The following CFAP299 variants were observed in gnomAD, a reference collection of about 807,000 sequenced individuals.
The protein encoded by CFAP299 is cilia and flagella associated protein 299.
In CFAP299, 21 loss-of-function variants were observed where a neutral mutation model predicts 27.0. The ratio of observed to expected loss-of-function variants is 0.78; its 90% CI spans 0.55 to 1.12. The LOEUF is 1.12. Among genes scored for constraint, CFAP299 ranks in the 50% most tolerant of loss-of-function variants. The pLI, the probability that CFAP299 is intolerant of heterozygous loss-of-function variation, is 0.00. For missense variants in CFAP299, 310 were observed against 276.6 expected, an observed-to-expected ratio of 1.12 and a Z score of -0.86; for synonymous variants, 104 against 98.1, an observed-to-expected ratio of 1.06 and a Z score of -0.36.
chr4:80,525,112 C>A (rs1733106178), intron 2 of CFAP299, among the ~76,000 whole-genome samples: 1 of 152,106 alleles, frequency 6.6e-6, no homozygotes, highest in African/African-American at 2.4e-5. Flanking sequence ...TCTTTAAGGC[C>A]AGCAAAAGTA....
intron 3 of CFAP299, among the ~76,000 whole-genome samples, chr4:80,866,451 A>G (rs2110164605): frequency 6.6e-6 from 1 of 152,206 alleles, no homozygotes; most frequent in Non-Finnish European, 1.5e-5. Flanking sequence ...TACTTAAAGG[A>G]GAATCATGAA....
chr4:80,603,293 CA>C (rs1269768301), intron 3 of CFAP299, among the ~76,000 whole-genome samples: 3 of 152,028 alleles, frequency 2.0e-5, no homozygotes, highest in African/African-American at 7.2e-5. Flanking sequence ...TGAAAATGCC[CA>C]AATGTCCAGC....
At chr4:80,958,593 T>C (rs1481355473) in intron 5 of CFAP299, among the ~76,000 whole-genome samples, 1 of 152,172 alleles carries the variant, frequency 6.6e-6, no homozygotes, top group Non-Finnish European at 1.5e-5. Context: ...TGTTCTTATT[T>C]ATCTGAAAAA....
At chr4:80,416,903 C>G (rs1037130119) in intron 2 of CFAP299, among the ~76,000 whole-genome samples, 19 of 152,122 alleles carry the variant, frequency 1.2e-4, no homozygotes, top group Admixed American at 1.3e-4. Context: ...GTTCTTGGAT[C>G]TCATGCAAGA....
chr4:80,827,836 A>C (rs1333268296), intron 3 of CFAP299, among the ~76,000 whole-genome samples: 1 of 152,070 alleles, frequency 6.6e-6, no homozygotes, highest in Admixed American at 6.6e-5. Context: ...AAAACTAATA[A>C]ATAAATTCAG....
intron 3 of CFAP299, among the ~76,000 whole-genome samples, chr4:80,848,887 G>C (rs925512298): frequency 6.6e-6 from 1 of 152,182 alleles, no homozygotes; most frequent in African/African-American, 2.4e-5. Flanking sequence ...TGTTCTGGGT[G>C]AGTCAGTGAG....
chr4:80,667,010 C>A (rs963183573), intron 3 of CFAP299, among the ~76,000 whole-genome samples: 13 of 152,186 alleles, frequency 8.5e-5, no homozygotes, highest in Admixed American at 8.5e-4. Flanking sequence ...ATCTTCTATA[C>A]CTTTCAGCTT....
intron 4 of CFAP299, among the ~76,000 whole-genome samples, chr4:80,882,682 C>G (rs1733771200): frequency 6.6e-6 from 1 of 151,624 alleles, no homozygotes; most frequent in Non-Finnish European, 1.5e-5. Flanking sequence ...AAAAGTGTCT[C>G]ATTACATACA....
At chr4:80,426,314 G>A (rs747471182) in intron 2 of CFAP299, among the ~76,000 whole-genome samples, 17 of 151,982 alleles carry the variant, frequency 1.1e-4, no homozygotes, top group Admixed American at 3.3e-4. Flanking sequence ...ATGCTAATAT[G>A]ATCATTACAT....
chr4:80,822,646 A>G (rs749514111), intron 3 of CFAP299, among the ~76,000 whole-genome samples: 8 of 152,236 alleles, frequency 5.3e-5, no homozygotes, highest in Non-Finnish European at 8.8e-5. Flanking sequence ...GATAAGATCT[A>G]TGAGAGCATA....
At chr4:80,555,127 G>A (rs1734722667) in intron 2 of CFAP299, among the ~76,000 whole-genome samples, 1 of 152,114 alleles carries the variant, frequency 6.6e-6, no homozygotes, top group African/African-American at 2.4e-5. Context: ...TATGATGTTG[G>A]CTGTGGGTTT....
chr4:80,730,361 C>T (rs1180741353), intron 3 of CFAP299, among the ~76,000 whole-genome samples: 1 of 151,292 alleles, frequency 6.6e-6, no homozygotes, highest in African/African-American at 2.4e-5. Context: ...AAGCACAGAA[C>T]ACTCTTACAC....
intron 2 of CFAP299, among the ~76,000 whole-genome samples, chr4:80,457,513 C>A (rs750254833): frequency 6.6e-6 from 1 of 152,026 alleles, no homozygotes; most frequent in Non-Finnish European, 1.5e-5. Context: ...TAGAAGACAC[C>A]GGAACAAATT....
At position 80,589,111 on chromosome 4, in the gene CFAP299, A is replaced by G. The variant is rs76639229; in HGVS notation, c.333+5928A>G. The stretch of plus-strand genomic sequence containing the variant: ...TCAGATAAAACTGATGTTAATAACA[A>G]CAGTAGATACATTAGTAGCTTGTAT... On this transcript the variant is annotated intron_variant, in intron 3 of 5. Coordinates refer to ENST00000358105, the MANE Select transcript of CFAP299 (RefSeq NM_152770.3). Among the ~76,000 whole-genome samples, 1,039 of 152,336 alleles carry G rather than the reference A, an allele frequency of 6.8e-3. 13 individuals carry two copies. The highest frequency in any genetic ancestry group is 0.024 in the African/African-American group (998 of 41,578).
intron 2 of CFAP299, among the ~76,000 whole-genome samples, chr4:80,462,504 G>A (rs1729487309): frequency 6.6e-6 from 1 of 152,066 alleles, no homozygotes; most frequent in African/African-American, 2.4e-5. Context: ...CAATTTTGTT[G>A]TCACTCCCCA....
chr4:80,707,757 C>T (rs1310142783), intron 3 of CFAP299, among the ~76,000 whole-genome samples: 1 of 152,018 alleles, frequency 6.6e-6, no homozygotes, highest in African/African-American at 2.4e-5. Flanking sequence ...CCAAATGTTT[C>T]ATTCAACTTC....
Position 80,719,160 on chromosome 4 carries a change from G to A in CFAP299, c.333+135977G>A, listed in dbSNP as rs182269153. 1.3e-3 allele frequency among the ~76,000 whole-genome samples: 194 copies of A among 152,210 alleles called. 2 individuals carry two copies. Among genetic ancestry groups the A allele is most frequent in the Admixed American group, 5.0e-3 (77 of 15,276 alleles). On this transcript the variant is annotated intron_variant, in intron 3 of 5. Coordinates refer to ENST00000358105, the MANE Select transcript of CFAP299 (RefSeq NM_152770.3). ...CCACTTGAACGTGGAGGGTGGAAGG[G>A]AAAGGATCAGAAAAAATACTGTCAG...
intron 2 of CFAP299, among the ~76,000 whole-genome samples, chr4:80,391,098 C>T (rs1168748838): frequency 6.6e-6 from 1 of 151,686 alleles, no homozygotes; most frequent in African/African-American, 2.4e-5. Context: ...CACATATATC[C>T]TGCATTTTCT....
At chr4:80,580,821 T>C (rs1336415729) in intron 2 of CFAP299, among the ~76,000 whole-genome samples, 1 of 151,956 alleles carries the variant, frequency 6.6e-6, no homozygotes, top group Non-Finnish European at 1.5e-5. Context: ...TGAGAAAATA[T>C]GAGTAGAAGT....
Sources: allele counts gnomAD v4.1 joint callset (sites outside exome capture counted in the v4.1 genomes callset), GRCh38; gene constraint gnomAD v4.1.1; transcripts MANE v1.5; gene names NCBI Gene and HGNC (gene_info 2026-07-23, HGNC 2026-07-21).